RBFOX3: variants seen among roughly 807,000 people sequenced by gnomAD.
RBFOX3 encodes the protein RNA binding protein fox-1 homolog 3.
A neutral mutation model predicts 48.7 loss-of-function variants in RBFOX3; 17 were observed. That is an observed-to-expected ratio of 0.35 (90% CI 0.24 to 0.52). The LOEUF is 0.52. RBFOX3 is among the 20% of genes least tolerant of loss of function. The pLI is 0.94. For synonymous variants in RBFOX3, 212 were observed against 209.5 expected (o/e 1.01, Z -0.10); for missense variants, 382 against 497.5 (o/e 0.77, Z 2.21).
chr17:79,336,953 C>T (rs1281978726), intron 2 of RBFOX3, among the ~76,000 whole-genome samples: 1 of 152,074 alleles, frequency 6.6e-6, no homozygotes, highest in Non-Finnish European at 1.5e-5. Context: ...AACCCTGTCT[C>T]TACTAATAAT....
chr17:79,261,051 C>T lies in RBFOX3; in HGVS notation c.-73-25246G>A, dbSNP rs901055508. Among the ~76,000 whole-genome samples the T allele has an allele frequency of 1.2e-4, 19 of 152,138 alleles. 1 individual carries two copies. The highest frequency in any genetic ancestry group is 4.1e-4 in the African/African-American group (17 of 41,546). Reference sequence around the variant, plus strand: ...ACCCTAGCTGTTCCTCGCTTGCCTTCGATCTTTGCCCAGATCCTTTTTCTC... The same window carrying T: ...ACCCTAGCTGTTCCTCGCTTGCCTTTGATCTTTGCCCAGATCCTTTTTCTC... On this transcript the variant is annotated intron_variant, in intron 3 of 14. Coordinates refer to ENST00000693108, the MANE Select transcript of RBFOX3 (RefSeq NM_001350451.2).
At position 79,090,777 on chromosome 17, in the gene RBFOX3, T is replaced by G. The variant is rs2073723710; in HGVS notation, c.*106A>C. On this transcript the variant is annotated 3_prime_UTR_variant, in exon 15 of 15. Coordinates refer to ENST00000693108, the MANE Select transcript of RBFOX3 (RefSeq NM_001350451.2). ...GCCTCTTGGTTTGGTTGGTTTTTTT[T>G]TTGTTGCTTGGATCTTAACATCTTT... 4.4e-6 allele frequency: 6 copies of G among 1,362,934 alleles called. No homozygotes were observed. Among genetic ancestry groups the G allele is most frequent in the Non-Finnish European group, 5.9e-6 (6 of 1,010,410 alleles). 84.4% of individuals were successfully genotyped at this position (1,362,934 alleles called of 1,614,324 possible). A position where few individuals can be genotyped will look rare whatever the true frequency, so the allele number is the denominator to read the frequency against.
At chr17:79,262,774 T>C (rs972619456) in intron 3 of RBFOX3, among the ~76,000 whole-genome samples, 19 of 152,236 alleles carry the variant, frequency 1.2e-4, no homozygotes, top group African/African-American at 4.3e-4. Context: ...ACTGGTCCAA[T>C]AGTATCAGCT....
chr17:79,257,054 C>T (rs72846852), intron 3 of RBFOX3, among the ~76,000 whole-genome samples: 2,512 of 152,270 alleles, frequency 0.016, 29 homozygotes, highest in Non-Finnish European at 0.027. Flanking sequence ...CCTGCCCTAC[C>T]GTGAGGCAGC....
chr17:79,142,884 G>GC (rs893117238), intron 4 of RBFOX3, among the ~76,000 whole-genome samples: 2 of 152,104 alleles, frequency 1.3e-5, no homozygotes, highest in African/African-American at 2.4e-5. Flanking sequence ...TGGGAGTAAT[G>GC]CCCCCCATAA....
chr17:79,356,367 T>G lies in RBFOX3; in HGVS notation c.-174-48543A>C, dbSNP rs1177382901. Among the ~76,000 whole-genome samples, 222 of 77,040 alleles carry G rather than the reference T, an allele frequency of 2.9e-3. 7 individuals are homozygous for G. The highest frequency in any genetic ancestry group is 9.7e-3 in the African/African-American group (206 of 21,218). 50.5% of individuals were successfully genotyped at this position (77,040 alleles called of 152,430 possible). ...AGGGAAGTTTTTTTTTTTTTTTTTT[T>G]TTTTTTTTTTTTTTTTTTTGAGGAG... On this transcript the variant is annotated intron_variant, in intron 2 of 14. Transcript: ENST00000693108.
rs79402898 is a variant in RBFOX3 at position 79,287,389 on chromosome 17, G to A, written c.-74+20335C>T. On this transcript the variant is annotated intron_variant, in intron 3 of 14. Coordinates refer to ENST00000693108, the MANE Select transcript of RBFOX3 (RefSeq NM_001350451.2). ...AGGGAAATTGGGTTTCAATGGATTC[G>A]TTTTTCCTCTTGAGTAGGTTTGCAT... 5.3e-3 allele frequency among the ~76,000 whole-genome samples: 811 copies of A among 152,298 alleles called. 10 individuals are homozygous for A. The highest frequency in any genetic ancestry group is 0.019 in the African/African-American group (774 of 41,554).
chr17:79,349,854 T>C (rs1332988733), intron 2 of RBFOX3, among the ~76,000 whole-genome samples: 1 of 151,010 alleles, frequency 6.6e-6, no homozygotes, highest in Non-Finnish European at 1.5e-5. Context: ...ACGGAATGGG[T>C]TCCCTGAGCC....
intron 2 of RBFOX3, among the ~76,000 whole-genome samples, chr17:79,454,293 C>T (rs2074086647): frequency 6.6e-6 from 1 of 152,154 alleles, no homozygotes; most frequent in South Asian, 2.1e-4. Context: ...AGCATACCCC[C>T]AAATCCAGCT....
At chr17:79,404,342 G>A (rs2063261712) in intron 2 of RBFOX3, among the ~76,000 whole-genome samples, 1 of 81,560 alleles carries the variant, frequency 1.2e-5, no homozygotes, top group Non-Finnish European at 2.8e-5. Flanking sequence ...TCTTTGAGGT[G>A]AGCAGTCTAC....
Position 79,390,135 on chromosome 17 carries a change from A to G in RBFOX3, c.-174-82311T>C, listed in dbSNP as rs1280483504. On this transcript the variant is annotated intron_variant, in intron 2 of 14. Transcript: ENST00000693108. The surrounding 1 kb of genome is among the most constrained non-coding windows in gnomAD (Gnocchi z 4.2). ...GCCACCCGGCCGAGGGGCTGGGTCCACAGAGGAGGACCAGCAGCAGTGAAG... is the reference window on the plus strand; with the variant it reads ...GCCACCCGGCCGAGGGGCTGGGTCCGCAGAGGAGGACCAGCAGCAGTGAAG... Among the ~76,000 whole-genome samples the G allele has an allele frequency of 6.6e-6, 1 of 152,180 alleles. No homozygotes were observed. Among genetic ancestry groups the G allele is most frequent in the Non-Finnish European group, 1.5e-5 (1 of 68,020 alleles).
upstream of RBFOX3, among the ~76,000 whole-genome samples, chr17:79,613,882 G>A (rs1278485384): frequency 6.6e-6 from 1 of 152,218 alleles, no homozygotes; most frequent in Non-Finnish European, 1.5e-5. Flanking sequence ...GCTGAGGCAG[G>A]AGAATCACTT....
At chr17:79,115,041 C>T (rs2033449201) in intron 5 of RBFOX3, among the ~76,000 whole-genome samples, 1 of 152,228 alleles carries the variant, frequency 6.6e-6, no homozygotes, top group African/African-American at 2.4e-5. Context: ...GATAGGAGGG[C>T]CTGCAACCCG....
chr17:79,518,707 G>GC (rs2085620337), intron 1 of RBFOX3, among the ~76,000 whole-genome samples: 2 of 152,238 alleles, frequency 1.3e-5, no homozygotes, highest in Non-Finnish European at 2.9e-5. Context: ...CGGGGTTGAG[G>GC]CCCCCTTGCC....
Position 79,271,617 on chromosome 17 carries a change from C to T in RBFOX3, c.-73-35812G>A, listed in dbSNP as rs2067719778. On this transcript the variant is annotated intron_variant, in intron 3 of 14. Transcript: ENST00000693108. Reference sequence around the variant, plus strand: ...ATGTTCCTACCACCAAGTCTTTCTTCTGACTTTCCCTTCTCCCACCCCATC... The same window carrying T: ...ATGTTCCTACCACCAAGTCTTTCTTTTGACTTTCCCTTCTCCCACCCCATC... 2.0e-5 allele frequency among the ~76,000 whole-genome samples: 3 copies of T among 152,228 alleles called. No individual in the cohort carries two copies. In the South Asian group the frequency reaches 6.2e-4, roughly 31 times the overall value.
At chr17:79,161,304 A>G (rs1334750131) in intron 4 of RBFOX3, among the ~76,000 whole-genome samples, 1 of 152,182 alleles carries the variant, frequency 6.6e-6, no homozygotes, top group Admixed American at 6.5e-5. Context: ...CAGGTTGGAG[A>G]AGGGATGCTG....
At position 79,111,036 on chromosome 17, in the gene RBFOX3, A is replaced by G. The variant is rs997944118; in HGVS notation, c.223-4248T>C. ...TGGCTGAGGGGAGAGGGCCTTGGCC[A>G]GACTGTGAAGCCTGTAGTTATAGAT... On this transcript the variant is annotated intron_variant, in intron 5 of 14. Transcript: ENST00000693108. The surrounding 1 kb of genome is among the most constrained non-coding windows in gnomAD (Gnocchi z 4.2). 7.4e-4 allele frequency among the ~76,000 whole-genome samples: 112 copies of G among 152,380 alleles called. No homozygotes were observed. Among genetic ancestry groups the G allele is most frequent in the Non-Finnish European group, 1.6e-4 (11 of 68,040 alleles).
intron 4 of RBFOX3, among the ~76,000 whole-genome samples, chr17:79,158,116 A>T (rs2046224115): frequency 6.8e-6 from 1 of 146,902 alleles, no homozygotes; most frequent in South Asian, 2.2e-4. Flanking sequence ...CGATTAGGAC[A>T]TAGACACACA....
At position 79,115,694 on chromosome 17, in the gene RBFOX3, CGGGGGGGTA is replaced by C; in HGVS notation, c.13_21del (p.Tyr5_Pro7del). ...TTCTGTGGCGGAGGGGGGTACTGGG[CGGGGGGGTA>C]GGGCTGGGCCATCGCTTCAGGCGGA... On this transcript the variant is annotated inframe_deletion, in exon 5 of 15. Coordinates refer to ENST00000693108, the MANE Select transcript of RBFOX3 (RefSeq NM_001350451.2). 2.7e-5 allele frequency: 4 copies of C among 147,666 alleles called. No homozygotes were observed. Among genetic ancestry groups the C allele is most frequent in the Non-Finnish European group, 4.7e-5 (4 of 85,438 alleles). The allele number at this position is 147,666 out of a possible 1,614,324, so 9.1% of individuals were successfully genotyped here.
Sources: gnomAD v4.1 joint callset for allele counts (sites outside exome capture counted in the v4.1 genomes callset) on GRCh38, gnomAD v4.1.1 for gene constraint, Gnocchi (gnomAD v3.1) non-coding constraint, MANE v1.5 for transcripts, NCBI Gene and HGNC (gene_info 2026-07-23, HGNC 2026-07-21) for gene names.